The following GLYATL3 variants were observed in gnomAD, a reference collection of about 807,000 sequenced individuals.
The protein encoded by GLYATL3 is glycine-N-acyltransferase like 3, also known as glycine N-acyltransferase-like protein 3.
In GLYATL3, 31 loss-of-function variants were observed where a neutral mutation model predicts 28.5. The ratio of observed to expected loss-of-function variants is 1.09; its 90% CI spans 0.82 to 1.47. GLYATL3 has a LOEUF of 1.47. Among genes scored for constraint, GLYATL3 ranks in the 40% most tolerant of loss-of-function variants. The probability of loss-of-function intolerance (pLI) is 0.00; values close to 1 mark genes in which losing one functional copy is unlikely to be tolerated. For synonymous variants in GLYATL3, 141 were observed against 140.2 expected, an observed-to-expected ratio of 1.01 and a Z score of -0.04; for missense variants, 369 against 351.5, an observed-to-expected ratio of 1.05 and a Z score of -0.40.
intron 4 of GLYATL3, 66 bp downstream of exon 4, chr6:49,517,622 G>A (rs1164288589): frequency 2.6e-6 from 3 of 1,161,822 alleles, no homozygotes; most frequent in Non-Finnish European, 3.5e-6. Flanking sequence ...TATCCAGATA[G>A]TTATAGATAT....
intron 2 of GLYATL3, among the ~76,000 whole-genome samples, chr6:49,515,412 C>G (rs1480611): frequency 0.4 from 61,442 of 151,912 alleles, 13,073 homozygotes; most frequent in East Asian, 0.62. Flanking sequence ...CTATAAAAAA[C>G]TAGGTTTGGA....
intron 4 of GLYATL3, 90 bp from the exon 5 acceptor site, chr6:49,521,555 G>A (rs1769316207): frequency 9.2e-7 from 1 of 1,089,312 alleles, no homozygotes; most frequent in East Asian, 2.6e-5. Flanking sequence ...TAGTATTGAT[G>A]ATTCTCAGTA....
At chr6:49,511,798 C>T (rs184932164) in intron 1 of GLYATL3, among the ~76,000 whole-genome samples, 165 bp from the exon 2 acceptor site, 4 of 152,266 alleles carry the variant, frequency 2.6e-5, no homozygotes, top group Admixed American at 1.3e-4. Context: ...ATGTATTCTC[C>T]GGTTTACCCA....
At chr6:49,515,846 A>AT (rs1769205872) in intron 3 of GLYATL3, 86 bp downstream of exon 3, 1 of 758,110 alleles carries the variant, frequency 1.3e-6, no homozygotes, top group Non-Finnish European at 2.3e-6. Flanking sequence ...CATAGTAGCC[A>AT]TTTACATTAG....
chr6:49,520,234 AG>A (rs1769290589), intron 4 of GLYATL3, among the ~76,000 whole-genome samples: 1 of 45,348 alleles, frequency 2.2e-5, no homozygotes, highest in Non-Finnish European at 3.8e-5. Context: ...AAAGAATCAA[AG>A]AGTGGGGGTA....
rs1769453996 is a variant in GLYATL3, at chr6:49,527,988, A to G, written c.*1074A>G. 6.6e-6 allele frequency among the ~76,000 whole-genome samples: 1 copy of G among 152,218 alleles called. No homozygotes were observed. The highest frequency in any genetic ancestry group is 2.1e-4 in the South Asian group (1 of 4,830). ...CTGGAGGCAAAGCCAGAATGCTGCC[A>G]TTTTAATTCCAATCTGTTATTTTCA... On this transcript the variant is annotated 3_prime_UTR_variant, in exon 6 of 6. Coordinates refer to ENST00000371197, the MANE Select transcript of GLYATL3 (RefSeq NM_001010904.2).
intron 1 of GLYATL3, among the ~76,000 whole-genome samples, chr6:49,506,649 C>G (rs1319113504): frequency 6.6e-6 from 1 of 152,118 alleles, no homozygotes; most frequent in East Asian, 1.9e-4. Context: ...CTGTTACCAT[C>G]CTCCATTTTC....
At chr6:49,509,946 TTC>T (rs756414862) in intron 1 of GLYATL3, among the ~76,000 whole-genome samples, 7,702 of 62,596 alleles carry the variant, frequency 0.12, 294 homozygotes, top group Non-Finnish European at 0.14. Flanking sequence ...CGTATTTTCT[TTC>T]TCTTTCTTTC....
intron 4 of GLYATL3, among the ~76,000 whole-genome samples, chr6:49,518,796 C>A (rs938639154): frequency 6.6e-6 from 1 of 151,984 alleles, no homozygotes; most frequent in African/African-American, 2.4e-5. Context: ...AAAAAATTAG[C>A]CGGGCATGGT....
At chr6:49,501,548 C>G (rs561423945) in intron 1 of GLYATL3, among the ~76,000 whole-genome samples, 162 of 152,240 alleles carry the variant, frequency 1.1e-3, no homozygotes, top group Non-Finnish European at 2.0e-3. Context: ...TGCAGAAGTA[C>G]AGTATACAGA....
At position 49,517,536 on chromosome 6, in the gene GLYATL3, A is replaced by G. The variant is rs1769238228; in HGVS notation, c.293A>G (p.Asp98Gly). The change falls in exon 4 of 6, where the codon GAC becomes GGC. Residue 98 changes from aspartate to glycine, a missense_variant. Coordinates refer to ENST00000371197, the MANE Select transcript of GLYATL3 (RefSeq NM_001010904.2). The stretch of plus-strand genomic sequence containing the variant: ...GAAGAATGTGATGTTTTTAACTGGG[A>G]CCAAGTTTTTCAAATACAAGGTGAG... ...LLEECDVFNW[D>G]QVFQIQGLQS... 1 of 1,550,980 alleles carries G rather than the reference A, an allele frequency of 6.4e-7. No individual in the cohort carries two copies. Among genetic ancestry groups the G allele is most frequent in the Non-Finnish European group, 8.7e-7 (1 of 1,146,522 alleles).
chr6:49,509,499 G>A (rs1336164354), intron 1 of GLYATL3, among the ~76,000 whole-genome samples: 8 of 152,122 alleles, frequency 5.3e-5, no homozygotes, highest in Non-Finnish European at 1.2e-4. Context: ...TAAGTGCTAT[G>A]CTTTTGGTCC....
At chr6:49,509,535 A>G (rs1414296169) in intron 1 of GLYATL3, among the ~76,000 whole-genome samples, 2 of 152,202 alleles carry the variant, frequency 1.3e-5, no homozygotes, top group East Asian at 3.8e-4. Flanking sequence ...AATCAACACA[A>G]AGCACAAAAA....
chr6:49,505,222 A>G (rs912923778), intron 1 of GLYATL3, among the ~76,000 whole-genome samples: 2 of 152,346 alleles, frequency 1.3e-5, no homozygotes, highest in African/African-American at 4.8e-5. Flanking sequence ...GTGAGTGATG[A>G]AAAAAGGGTG....
rs752812014 is a variant in GLYATL3 at position 49,526,527 on chromosome 6, C to A, written c.480C>A (p.Ala160=). ...CACGACTAACCTACCTGAGTGTTGC[C>A]AATGCGGATCTACTCAACCGGACTT... is the stretch of plus-strand genomic sequence containing the variant. ...PSPRLTYLSV[A]NADLLNRTWS... Residue 160 remains alanine, a synonymous_variant, in exon 6 of 6, where the codon GCC becomes GCA. Coordinates refer to ENST00000371197, the MANE Select transcript of GLYATL3 (RefSeq NM_001010904.2). 1.9e-6 allele frequency: 3 copies of A among 1,551,702 alleles called. No homozygotes were observed. Among genetic ancestry groups the A allele is most frequent in the Admixed American group, 3.9e-5 (2 of 50,998 alleles).
intron 1 of GLYATL3, among the ~76,000 whole-genome samples, chr6:49,509,855 T>G (rs1769080268): frequency 6.6e-6 from 1 of 152,230 alleles, no homozygotes; most frequent in Admixed American, 6.5e-5. Context: ...ACCTCACTTT[T>G]GACTCCATAT....
At chr6:49,509,426 C>G (rs141048187) in intron 1 of GLYATL3, among the ~76,000 whole-genome samples, 1 of 152,186 alleles carries the variant, frequency 6.6e-6, no homozygotes, top group Admixed American at 6.5e-5. Flanking sequence ...TTACCTAACA[C>G]GTGTATTTCC....
chr6:49,518,698 T>C (rs999171712), intron 4 of GLYATL3, among the ~76,000 whole-genome samples: 1 of 152,172 alleles, frequency 6.6e-6, no homozygotes, highest in African/African-American at 2.4e-5. Context: ...CCCAGCACTT[T>C]AGGAGGCCGA....
rs1200492367 is a variant in GLYATL3 at position 49,527,311 on chromosome 6, C to T, written c.*397C>T. On this transcript the variant is annotated 3_prime_UTR_variant, in exon 6 of 6. Coordinates refer to ENST00000371197, the MANE Select transcript of GLYATL3 (RefSeq NM_001010904.2). ...GCTCTGTATTCTTAAAGCCACACCG[C>T]TTCCCTACTGCCATCATATTCCCCT... 6.6e-6 allele frequency among the ~76,000 whole-genome samples: 1 copy of T among 152,180 alleles called. No individual in the cohort carries two copies. Among genetic ancestry groups the T allele is most frequent in the Non-Finnish European group, 1.5e-5 (1 of 68,046 alleles).
Sources: allele counts gnomAD v4.1 joint callset (sites outside exome capture counted in the v4.1 genomes callset), GRCh38; gene constraint gnomAD v4.1.1; transcripts MANE v1.5; gene names NCBI Gene and HGNC (gene_info 2026-07-23, HGNC 2026-07-21).